Variants in KALRN observed in about 807,000 individuals in gnomAD.
KALRN encodes the protein kalirin RhoGEF kinase, also known as kalirin.
KALRN carries 70 observed loss-of-function variants against 353.7 expected under a neutral mutation model. The observed-to-expected ratio is 0.20, with a 90% CI of 0.16 to 0.24. The LOEUF (loss-of-function observed/expected upper bound fraction) is 0.24, where lower values mean the gene tolerates loss of function less well. KALRN is among the 10% of genes least tolerant of loss of function. The pLI, the probability that KALRN is intolerant of heterozygous loss-of-function variation, is 1.00. For synonymous variants in KALRN, 1,391 were observed against 1,434.8 expected (o/e 0.97, Z 0.69); for missense variants, 2,791 against 3,756.7 (o/e 0.74, Z 6.72).
intron 1 of KALRN, among the ~76,000 whole-genome samples, chr3:124,120,840 C>A (rs1156534562): frequency 6.7e-6 from 1 of 149,638 alleles, no homozygotes; most frequent in Admixed American, 6.7e-5. Context: ...TCCTGTAATC[C>A]CAGCACTTTG....
intron 6 of KALRN, among the ~76,000 whole-genome samples, 186 bp downstream of exon 6, chr3:124,299,099 T>C (rs1473258743): frequency 2.0e-5 from 3 of 152,234 alleles, no homozygotes; most frequent in Non-Finnish European, 2.9e-5. Flanking sequence ...CTGCAGCAGA[T>C]TATGCCTCCA....
intron 1 of KALRN, among the ~76,000 whole-genome samples, chr3:124,126,239 C>G (rs1056963799): frequency 2.0e-5 from 3 of 151,680 alleles, no homozygotes; most frequent in African/African-American, 7.3e-5. Context: ...ATTTTCCAAA[C>G]TTGAAAAGAT....
intron 3 of KALRN, among the ~76,000 whole-genome samples, chr3:124,261,136 C>T (rs140890419): frequency 4.6e-5 from 7 of 151,974 alleles, no homozygotes; most frequent in African/African-American, 1.2e-4. Context: ...GTGATCTGCC[C>T]GCCTCAGCCT....
chr3:124,569,931 C>T (rs1342420784), intron 34 of KALRN, among the ~76,000 whole-genome samples: 1 of 152,190 alleles, frequency 6.6e-6, no homozygotes, highest in Admixed American at 6.5e-5. Context: ...CCAAGGAGCA[C>T]TCTGGACAGC....
intron 33 of KALRN, among the ~76,000 whole-genome samples, chr3:124,507,099 C>T (rs1220848621): frequency 6.6e-6 from 1 of 152,034 alleles, no homozygotes; most frequent in African/African-American, 2.4e-5. Context: ...AAGAAAAATT[C>T]TTCTTGAAAA....
At chr3:124,104,650 T>C (rs949887528) in intron 1 of KALRN, among the ~76,000 whole-genome samples, 1 of 152,178 alleles carries the variant, frequency 6.6e-6, no homozygotes, top group Non-Finnish European at 1.5e-5. Context: ...TACCAGCCAG[T>C]AGACTAAGTA....
chr3:124,477,299 C>A lies in KALRN; in HGVS notation c.4156C>A (p.Gln1386Lys). The A allele has an allele frequency of 6.2e-7, 1 of 1,613,850 alleles. No individual in the cohort carries two copies. The highest frequency in any genetic ancestry group is 1.1e-5 in the South Asian group (1 of 91,034). ...CTGTAAAAACAAGCCTGATTCCAAC[C>A]AGCTTATCCTGGAGCATGCGGGCAC... Reference protein sequence around the residue: ...TYCKNKPDSNQLILEHAGTFF... With the variant: ...TYCKNKPDSNKLILEHAGTFF... Residue 1386 changes from glutamine to lysine, a missense_variant, in exon 27 of 60, where the codon CAG (glutamine) becomes AAG (lysine). By Grantham distance (53) the Gln-to-Lys change is moderately conservative. Around this residue, in one of 11 missense-constraint regions of KALRN, gnomAD observed 54 missense variants for 131.7 expected, o/e 0.41. Coordinates refer to ENST00000682506, the MANE Select transcript of KALRN (RefSeq NM_001388419.1).
intron 6 of KALRN, among the ~76,000 whole-genome samples, chr3:124,301,866 T>C (rs1439726963): frequency 2.6e-5 from 4 of 152,230 alleles, no homozygotes; most frequent in African/African-American, 7.2e-5. Flanking sequence ...CACACATCCA[T>C]TCATGTAAAT....
intron 1 of KALRN, among the ~76,000 whole-genome samples, chr3:124,113,803 GC>G (rs1311754825): frequency 6.6e-6 from 1 of 152,194 alleles, no homozygotes; most frequent in Non-Finnish European, 1.5e-5. Context: ...AGCTTGAGTG[GC>G]CCAGCCCAGA....
intron 34 of KALRN, among the ~76,000 whole-genome samples, chr3:124,611,580 A>G (rs1314425171): frequency 6.6e-6 from 1 of 152,242 alleles, no homozygotes; most frequent in Non-Finnish European, 1.5e-5. Flanking sequence ...TTATCTGGCT[A>G]TATAACATAG....
At chr3:124,179,788 T>A (rs2073313584) in intron 1 of KALRN, among the ~76,000 whole-genome samples, 1 of 152,222 alleles carries the variant, frequency 6.6e-6, no homozygotes, top group Admixed American at 6.5e-5. Context: ...ACCAAAACGT[T>A]GTTATGCGGT....
In KALRN at chr3:124,365,880, C is replaced by T. The variant is rs140272232; in HGVS notation, c.1770+18615C>T. Among the ~76,000 whole-genome samples, 66 of 152,290 alleles carry T rather than the reference C, an allele frequency of 4.3e-4. 1 individual carries two copies. The highest frequency in any genetic ancestry group is 7.8e-4 in the Non-Finnish European group (53 of 68,028). Reference sequence around the variant, plus strand: ...TACAGTGCCACTTCAGACATAGGCTCTAGGGGTGTGATCAGAGCACCTGCT... The same window carrying T: ...TACAGTGCCACTTCAGACATAGGCTTTAGGGGTGTGATCAGAGCACCTGCT... On this transcript the variant is annotated intron_variant, in intron 10 of 59. Transcript: ENST00000682506.
At chr3:124,087,185 G>A (rs2060871786) in intron 1 of KALRN, among the ~76,000 whole-genome samples, 1 of 152,082 alleles carries the variant, frequency 6.6e-6, no homozygotes, top group African/African-American at 2.4e-5. Flanking sequence ...CTAGCATGTT[G>A]CATATTATAA....
intron 5 of KALRN, among the ~76,000 whole-genome samples, chr3:124,281,044 A>T (rs1023197419): frequency 1.3e-5 from 2 of 152,152 alleles, no homozygotes; most frequent in Non-Finnish European, 2.9e-5. Context: ...TGTACCCTAG[A>T]ACTTAAAGTA....
chr3:124,657,004 G>T (rs369485384), intron 39 of KALRN, among the ~76,000 whole-genome samples: 1 of 152,154 alleles, frequency 6.6e-6, no homozygotes, highest in Non-Finnish European at 1.5e-5. Context: ...TTTCTTGTCC[G>T]TCAGATGGGG....
intron 9 of KALRN, among the ~76,000 whole-genome samples, chr3:124,340,255 T>G: frequency 6.6e-6 from 1 of 152,114 alleles, no homozygotes; most frequent in Non-Finnish European, 1.5e-5. Context: ...GGCACTGTGG[T>G]TCATGCCTGT....
At chr3:124,078,896 C>A (rs1464817607) in intron 1 of KALRN, among the ~76,000 whole-genome samples, 1 of 152,136 alleles carries the variant, frequency 6.6e-6, no homozygotes, top group Non-Finnish European at 1.5e-5. Flanking sequence ...TCAACTTTTA[C>A]CAAGCCAACA....
intron 2 of KALRN, among the ~76,000 whole-genome samples, chr3:124,230,164 T>C (rs1279206566): frequency 6.6e-6 from 1 of 152,086 alleles, no homozygotes; most frequent in African/African-American, 2.4e-5. Flanking sequence ...GGGAGCCCAA[T>C]CTTATCTTTT....
chr3:124,490,943 G>A (rs564846018), intron 30 of KALRN, 59 bp downstream of exon 30: 1 of 1,475,820 alleles, frequency 6.8e-7, no homozygotes, highest in East Asian at 2.3e-5. Flanking sequence ...CCATGGGCAG[G>A]AAGGGATCTG....
Sources: allele counts gnomAD v4.1 joint callset (sites outside exome capture counted in the v4.1 genomes callset), GRCh38; gene constraint gnomAD v4.1.1; regional missense constraint gnomAD v4.1.1; transcripts MANE v1.5; gene names NCBI Gene and HGNC (gene_info 2026-07-23, HGNC 2026-07-21).